The following DPP6 variants were observed in gnomAD, a reference collection of about 807,000 sequenced individuals.
The protein encoded by DPP6 is dipeptidyl peptidase like 6.
Under a neutral mutation model 122.6 loss-of-function variants are expected in DPP6, and 69 were observed. The observed-to-expected ratio is 0.56, with a 90% CI of 0.46 to 0.69. The LOEUF (loss-of-function observed/expected upper bound fraction) is 0.69, where lower values mean the gene tolerates loss of function less well. Ranked by LOEUF, DPP6 falls within the 30% of genes least tolerant of loss-of-function variation. The pLI, the probability that DPP6 is intolerant of heterozygous loss-of-function variation, is 0.00. For synonymous variants in DPP6, 418 were observed against 433.1 expected, an observed-to-expected ratio of 0.97 and a Z score of 0.43; for missense variants, 928 against 1,116.9, an observed-to-expected ratio of 0.83 and a Z score of 2.41.
intron 5 of DPP6, among the ~76,000 whole-genome samples, chr7:154,575,442 G>GTGTATGTGTGTGTGGTA (rs1554590146): frequency 5.7e-5 from 6 of 104,746 alleles, no homozygotes; most frequent in African/African-American, 2.1e-4. Flanking sequence ...TATGTGTGTG[G>GTGTATGTGTGTGTGGTA]TGTGTGTATG....
Position 154,078,351 on chromosome 7 carries a change from TACACACACAC to T in DPP6, c.243+25317_243+25326del, listed in dbSNP as rs3052965. ...CGACTTTCAAACTTCAGTGCATATG[TACACACACAC>T]ACACACACACACACACACACACACA... On this transcript the variant is annotated intron_variant, in intron 1 of 25. Coordinates refer to ENST00000377770, the MANE Select transcript of DPP6 (RefSeq NM_130797.4). Among the ~76,000 whole-genome samples, 1,155 of 149,424 alleles carry T rather than the reference TACACACACAC, an allele frequency of 7.7e-3. 4 individuals carry two copies. Among genetic ancestry groups the T allele is most frequent in the Non-Finnish European group, 0.012 (783 of 67,310 alleles).
chr7:154,128,464 C>T (rs143290764), intron 1 of DPP6, among the ~76,000 whole-genome samples: 4,757 of 152,210 alleles, frequency 0.031, 232 homozygotes, highest in African/African-American at 0.11. Context: ...TGCAGTGGTA[C>T]GATCTCAGCT....
chr7:154,452,083 C>T (rs1820429530), intron 2 of DPP6, among the ~76,000 whole-genome samples: 2 of 152,234 alleles, frequency 1.3e-5, no homozygotes, highest in South Asian at 4.1e-4. Flanking sequence ...AGCAGTGTCA[C>T]CTCGACAGAG....
intron 6 of DPP6, among the ~76,000 whole-genome samples, chr7:154,640,177 G>T (rs1304515211): frequency 6.6e-6 from 1 of 152,108 alleles, no homozygotes; most frequent in Non-Finnish European, 1.5e-5. Context: ...GCTTGAACCT[G>T]GGAGGCTAGA....
chr7:154,008,672 T>G (rs1416915158), intron 1 of DPP6, among the ~76,000 whole-genome samples: 1 of 144,804 alleles, frequency 6.9e-6, no homozygotes, highest in African/African-American at 2.5e-5. Flanking sequence ...TTTTTTTTTT[T>G]TTTTTTTGAG....
At chr7:154,696,628 T>G (rs3778723) in intron 7 of DPP6, among the ~76,000 whole-genome samples, 9,432 of 152,270 alleles carry the variant, frequency 0.062, 403 homozygotes, top group East Asian at 0.21. Flanking sequence ...TCCAGGCCCT[T>G]CCACTCATGG....
At chr7:154,258,419 A>G (rs1802796228) in intron 1 of DPP6, among the ~76,000 whole-genome samples, 1 of 152,218 alleles carries the variant, frequency 6.6e-6, no homozygotes, top group Non-Finnish European at 1.5e-5. Context: ...CAGCAAATTC[A>G]CCACAGAACC....
intron 1 of DPP6, among the ~76,000 whole-genome samples, chr7:154,031,861 GTT>G (rs570904091): frequency 5.1e-4 from 61 of 120,270 alleles, no homozygotes; most frequent in Middle Eastern, 4.4e-3. Context: ...CCTTTTTTTT[GTT>G]TTTTTTTTTT....
rs1273520652 is a variant in DPP6 at position 154,387,185 on chromosome 7, G to GT, written c.244-59028dup. Among the ~76,000 whole-genome samples, 12 of 152,264 alleles carry GT rather than the reference G, an allele frequency of 7.9e-5. No individual in the cohort carries two copies. In the East Asian group the frequency reaches 2.1e-3, roughly 27 times the overall value. On this transcript the variant is annotated intron_variant, in intron 1 of 25. Coordinates refer to ENST00000377770, the MANE Select transcript of DPP6 (RefSeq NM_130797.4). ...CTCTGAGCTCCGGACAAATTCTGAA[G>GT]TGACCTACATCATTCATAGAGGCAG...
chr7:153,910,915 TCCTA>T (rs992055502), intron 1 of DPP6, among the ~76,000 whole-genome samples: 6 of 152,150 alleles, frequency 3.9e-5, no homozygotes, highest in Non-Finnish European at 5.9e-5. Context: ...CATCATCCTC[TCCTA>T]CCTGGACTGC....
intron 1 of DPP6, among the ~76,000 whole-genome samples, chr7:154,154,816 C>G (rs534662747): frequency 2.6e-5 from 4 of 152,236 alleles, no homozygotes; most frequent in Non-Finnish European, 5.9e-5. Flanking sequence ...CACACCAAAG[C>G]TCAGGATCTC....
the DPP6 span, among the ~76,000 whole-genome samples, chr7:153,875,073 T>C: frequency 6.6e-6 from 1 of 152,136 alleles, no homozygotes; most frequent in Non-Finnish European, 1.5e-5. Flanking sequence ...GATATCATAA[T>C]AAAATTTCTG....
At chr7:154,257,163 T>A (rs565993277) in intron 1 of DPP6, among the ~76,000 whole-genome samples, 4 of 151,992 alleles carry the variant, frequency 2.6e-5, no homozygotes, top group African/African-American at 9.6e-5. Context: ...TTTAAAAACA[T>A]TTTTTTGTAG....
intron 5 of DPP6, among the ~76,000 whole-genome samples, chr7:154,617,455 C>T (rs530908645): frequency 3.3e-5 from 5 of 152,058 alleles, no homozygotes; most frequent in Admixed American, 6.6e-5. Context: ...TCCGATTGTG[C>T]GAATAGGTCA....
intron 1 of DPP6, among the ~76,000 whole-genome samples, chr7:153,986,956 G>A (rs1471980553): frequency 1.3e-5 from 2 of 152,024 alleles, no homozygotes; most frequent in Non-Finnish European, 2.9e-5. Flanking sequence ...GGAAAAAAAA[G>A]AGGCTACTTA....
intron 5 of DPP6, among the ~76,000 whole-genome samples, chr7:154,609,225 G>T (rs568211897): frequency 6.6e-6 from 1 of 152,268 alleles, no homozygotes; most frequent in African/African-American, 2.4e-5. Context: ...TAATAGGAGG[G>T]TATTCTCTGT....
chr7:154,819,826 A>G (rs1287043101), intron 16 of DPP6, among the ~76,000 whole-genome samples: 3 of 152,256 alleles, frequency 2.0e-5, no homozygotes, highest in Admixed American at 6.5e-5. Context: ...GGAATGTAAC[A>G]TAATTGGCAA....
At chr7:153,889,662 TTCTC>T (rs1799102211) in intron 1 of DPP6, among the ~76,000 whole-genome samples, 1 of 152,236 alleles carries the variant, frequency 6.6e-6, no homozygotes, top group Admixed American at 6.5e-5. Flanking sequence ...CTAATTACAT[TTCTC>T]TCTTCTGCTC....
chr7:154,233,443 A>T (rs1305108917), intron 1 of DPP6, among the ~76,000 whole-genome samples: 1 of 152,160 alleles, frequency 6.6e-6, no homozygotes, highest in Non-Finnish European at 1.5e-5. Flanking sequence ...TGAAGTCCTA[A>T]CCCCCGGTGA....
Sources: allele counts gnomAD v4.1 joint callset (sites outside exome capture counted in the v4.1 genomes callset), GRCh38; gene constraint gnomAD v4.1.1; transcripts MANE v1.5; gene names NCBI Gene and HGNC (gene_info 2026-07-23, HGNC 2026-07-21).